Variants in MACROD1 observed in about 807,000 individuals in gnomAD.
MACROD1 encodes ADP-ribose glycohydrolase MACROD1.
MACROD1 carries 31 observed loss-of-function variants against 41.4 expected under a neutral mutation model. That is an observed-to-expected ratio of 0.75 (90% CI 0.56 to 1.01). The LOEUF (loss-of-function observed/expected upper bound fraction) is 1.01. MACROD1 is among the 50% of genes least tolerant of loss of function. The probability of loss-of-function intolerance (pLI) is 0.00; values close to 1 mark genes in which losing one functional copy is unlikely to be tolerated. For synonymous variants in MACROD1, 252 were observed against 203.4 expected, an observed-to-expected ratio of 1.24 and a Z score of -2.03; for missense variants, 473 against 460.0, an observed-to-expected ratio of 1.03 and a Z score of -0.26.
intron 3 of MACROD1, among the ~76,000 whole-genome samples, chr11:64,033,300 C>T (rs1183453562): frequency 3.3e-5 from 5 of 152,252 alleles, no homozygotes; most frequent in Non-Finnish European, 7.3e-5. Flanking sequence ...CAGCCATATC[C>T]CCCGAACTGT....
At chr11:64,058,033 A>G (rs1484460956) in intron 3 of MACROD1, among the ~76,000 whole-genome samples, 1 of 152,210 alleles carries the variant, frequency 6.6e-6, no homozygotes, top group African/African-American at 2.4e-5. Flanking sequence ...TGAGCCACTG[A>G]GTAATGCGCA....
chr11:64,015,549 G>T (rs1289547863), intron 3 of MACROD1, among the ~76,000 whole-genome samples: 2 of 152,054 alleles, frequency 1.3e-5, no homozygotes, highest in Non-Finnish European at 2.9e-5. Flanking sequence ...GCAGACGCAT[G>T]GGGGGGTCCA....
rs778875531 is a variant in MACROD1, at chr11:64,031,118, C to CT, written c.518-15838dup. Among the ~76,000 whole-genome samples, 116 of 152,252 alleles carry CT rather than the reference C, an allele frequency of 7.6e-4. 1 individual carries two copies. Among genetic ancestry groups the CT allele is most frequent in the Non-Finnish European group, 1.5e-3 (101 of 68,012 alleles). On this transcript the variant is annotated intron_variant, in intron 3 of 10. Transcript: ENST00000255681. ...ACTGGAGCAGGGCTGGAGGGGTGCT[C>CT]TTGTCCTGGCTGGCAGCCTCCCCGG...
chr11:64,133,838 G>A (rs774794277), intron 3 of MACROD1, among the ~76,000 whole-genome samples: 5 of 152,220 alleles, frequency 3.3e-5, no homozygotes, highest in African/African-American at 4.8e-5. Context: ...TTAATGAAAC[G>A]AATGAATGAC....
chr11:64,038,695 A>G (rs1943428986), intron 3 of MACROD1, among the ~76,000 whole-genome samples: 1 of 152,142 alleles, frequency 6.6e-6, no homozygotes, highest in South Asian at 2.1e-4. Flanking sequence ...TGGGGCCTGT[A>G]TGGGACTGTG....
chr11:64,139,042 T>C (rs1945372404), intron 3 of MACROD1, among the ~76,000 whole-genome samples: 1 of 152,108 alleles, frequency 6.6e-6, no homozygotes, highest in South Asian at 2.1e-4. Context: ...GCTGGGATTA[T>C]AGGCGTGAGC....
intron 3 of MACROD1, among the ~76,000 whole-genome samples, chr11:64,021,492 A>G (rs1044314933): frequency 1.4e-4 from 21 of 152,198 alleles, no homozygotes; most frequent in African/African-American, 4.6e-4. Context: ...AGCGCTGAGC[A>G]GGTTCCTGGG....
chr11:64,116,314 C>T, intron 3 of MACROD1: 1 of 1,608,634 alleles, frequency 6.2e-7, no homozygotes, highest in South Asian at 1.1e-5. Flanking sequence ...ACGCCCACTG[C>T]CACTGTCACG....
At chr11:64,081,283 A>G (rs1944298164) in intron 3 of MACROD1, among the ~76,000 whole-genome samples, 1 of 152,178 alleles carries the variant, frequency 6.6e-6, no homozygotes, top group Non-Finnish European at 1.5e-5. Context: ...CGGCCTCCCA[A>G]AGTGCTGGGA....
At chr11:64,056,268 C>T (rs1429177693) in intron 3 of MACROD1, among the ~76,000 whole-genome samples, 1 of 152,146 alleles carries the variant, frequency 6.6e-6, no homozygotes, top group Non-Finnish European at 1.5e-5. Flanking sequence ...GGGAGCTAGG[C>T]CTCAGCCTGT....
At chr11:63,999,265 C>CGAT in intron 8 of MACROD1, 66 bp downstream of exon 8, 1 of 1,518,042 alleles carries the variant, frequency 6.6e-7, no homozygotes, top group East Asian at 2.4e-5. Context: ...ACTCCCTGGG[C>CGAT]GATGATGGGG....
intron 3 of MACROD1, among the ~76,000 whole-genome samples, chr11:64,072,327 C>T (rs111987032): frequency 0.019 from 2,944 of 152,010 alleles, 90 homozygotes; most frequent in African/African-American, 0.067. Flanking sequence ...TGCACCAGGG[C>T]GAGCCTTTGG....
chr11:64,165,086 G>A (rs1366088576), intron 1 of MACROD1, among the ~76,000 whole-genome samples: 1 of 152,232 alleles, frequency 6.6e-6, no homozygotes, highest in African/African-American at 2.4e-5. Context: ...AGCGAGAAGG[G>A]GAAAAGGGCG....
chr11:64,113,417 CATGG>C (rs71045732), intron 3 of MACROD1, among the ~76,000 whole-genome samples: 16,582 of 144,712 alleles, frequency 0.11, 1,104 homozygotes, highest in Non-Finnish European at 0.16. Context: ...CAGGTTGATG[CATGG>C]ATGGATGGAT....
At position 64,039,860 on chromosome 11, in the gene MACROD1, G is replaced by A. The variant is rs922387137; in HGVS notation, c.518-24579C>T. Reference sequence around the variant, plus strand: ...GGGTTTTAAAATGACAACCTGCAGAGCTGGTGGCTAGTGAGGGTGGGGGAG... The same window carrying A: ...GGGTTTTAAAATGACAACCTGCAGAACTGGTGGCTAGTGAGGGTGGGGGAG... On this transcript the variant is annotated intron_variant, in intron 3 of 10. Transcript: ENST00000255681. 3.3e-5 allele frequency among the ~76,000 whole-genome samples: 5 copies of A among 152,322 alleles called. No homozygotes were observed. The East Asian group carries it at 9.7e-4, about 29-fold the overall frequency.
intron 3 of MACROD1, among the ~76,000 whole-genome samples, chr11:64,091,127 GGGGAGGGGGCAT>G (rs1297235687): frequency 2.1e-5 from 3 of 144,830 alleles, no homozygotes; most frequent in African/African-American, 7.6e-5. Flanking sequence ...AAGAGAGGGT[GGGGAGGGGGCAT>G]GGGAGGAGGA....
chr11:64,077,351 T>C (rs764447914), intron 3 of MACROD1, among the ~76,000 whole-genome samples: 113 of 152,144 alleles, frequency 7.4e-4, no homozygotes, highest in Non-Finnish European at 1.3e-3. Flanking sequence ...CCAGAAGCAA[T>C]GTCTGGGAAT....
intron 3 of MACROD1, among the ~76,000 whole-genome samples, chr11:64,108,085 G>T (rs2154986): frequency 0.19 from 29,225 of 151,908 alleles, 2,966 homozygotes; most frequent in Admixed American, 0.29. Flanking sequence ...AGGCCGAGGC[G>T]GGCAGATCAC....
chr11:64,029,361 C>T (rs1035036784), intron 3 of MACROD1, among the ~76,000 whole-genome samples: 5 of 152,112 alleles, frequency 3.3e-5, no homozygotes, highest in Admixed American at 6.5e-5. Flanking sequence ...GGCACAGTGA[C>T]GGGGTGGGGG....
Sources: allele counts gnomAD v4.1 joint callset (sites outside exome capture counted in the v4.1 genomes callset), GRCh38; gene constraint gnomAD v4.1.1; transcripts MANE v1.5; gene names NCBI Gene and HGNC (gene_info 2026-07-23, HGNC 2026-07-21).